The following THRB variants were observed in gnomAD, a reference collection of about 807,000 sequenced individuals.
The protein encoded by THRB is nuclear receptor subfamily 1 group A member 2.
THRB carries 12 observed loss-of-function variants against 47.8 expected under a neutral mutation model. The ratio of observed to expected loss-of-function variants is 0.25; its 90% confidence interval spans 0.16 to 0.41. THRB has a LOEUF of 0.41. THRB is among the 10% of genes least tolerant of loss of function. THRB has a pLI of 1.00. For missense variants in THRB, 348 were observed against 589.2 expected (o/e 0.59, Z 4.24); for synonymous variants, 218 against 212.2 (o/e 1.03, Z -0.24).
At chr3:24,357,351 A>AC (rs1326391298) in intron 1 of THRB, among the ~76,000 whole-genome samples, 1,986 of 143,592 alleles carry the variant, frequency 0.014, 134 homozygotes, top group African/African-American at 0.045. Context: ...TCTCCCAAAA[A>AC]AAAAAAAAAA....
intron 2 of THRB, among the ~76,000 whole-genome samples, chr3:24,334,625 T>G (rs1576926471): frequency 6.6e-6 from 1 of 152,202 alleles, no homozygotes; most frequent in African/African-American, 2.4e-5. Flanking sequence ...ACCAATTACA[T>G]GCTCAGCGCC....
intron 1 of THRB, among the ~76,000 whole-genome samples, chr3:24,361,068 A>G (rs1379359843): frequency 1.3e-5 from 2 of 152,172 alleles, no homozygotes; most frequent in Admixed American, 1.3e-4. Flanking sequence ...TTTGAAGAAG[A>G]TCCTTAAAAC....
At chr3:24,293,453 A>C (rs985257327) in intron 3 of THRB, among the ~76,000 whole-genome samples, 1 of 152,194 alleles carries the variant, frequency 6.6e-6, no homozygotes, top group Non-Finnish European at 1.5e-5. Context: ...ATTATATACT[A>C]TGTCAAACAT....
At chr3:24,442,703 A>C (rs1239302762) in intron 1 of THRB, among the ~76,000 whole-genome samples, 1 of 152,140 alleles carries the variant, frequency 6.6e-6, no homozygotes, top group Non-Finnish European at 1.5e-5. Flanking sequence ...GCATGCCTGT[A>C]ATCCCAGCTA....
intron 5 of THRB, among the ~76,000 whole-genome samples, chr3:24,177,235 A>T (rs768445889): frequency 3.9e-5 from 6 of 152,190 alleles, no homozygotes; most frequent in Non-Finnish European, 7.3e-5. Context: ...TTATTTTTGA[A>T]ACAACGTAGG....
chr3:24,224,733 C>T (rs2047488219), intron 4 of THRB, among the ~76,000 whole-genome samples: 2 of 152,178 alleles, frequency 1.3e-5, no homozygotes, highest in African/African-American at 4.8e-5. Context: ...TTATACTCAA[C>T]CATCAATGTA....
intron 1 of THRB, among the ~76,000 whole-genome samples, chr3:24,429,219 T>C (rs2070109964): frequency 6.6e-6 from 1 of 151,050 alleles, no homozygotes; most frequent in Non-Finnish European, 1.5e-5. Flanking sequence ...AAATATGTGA[T>C]ATATGATATG....
chr3:24,452,842 G>T (rs2072799031), intron 1 of THRB, among the ~76,000 whole-genome samples: 1 of 152,162 alleles, frequency 6.6e-6, no homozygotes, highest in Non-Finnish European at 1.5e-5. Context: ...CTGGCATCCT[G>T]TTGGCTGGTC....
chr3:24,484,553 G>T (rs1281760007), intron 1 of THRB, among the ~76,000 whole-genome samples: 2 of 152,100 alleles, frequency 1.3e-5, no homozygotes, highest in African/African-American at 4.8e-5. Context: ...CTATAATGTG[G>T]CTACTAGAAG....
chr3:24,482,002 C>A (rs1445499768), intron 1 of THRB, among the ~76,000 whole-genome samples: 2 of 152,034 alleles, frequency 1.3e-5, no homozygotes, highest in Non-Finnish European at 2.9e-5. Context: ...AATACTAGGT[C>A]ATCTATAAAA....
At chr3:24,370,683 C>T (rs551034175) in intron 1 of THRB, among the ~76,000 whole-genome samples, 1 of 152,268 alleles carries the variant, frequency 6.6e-6, no homozygotes, top group East Asian at 1.9e-4. Context: ...TGGGGGATCA[C>T]ACCAGGCACA....
chr3:24,369,808 T>C lies in THRB; in HGVS notation c.-260-32437A>G, dbSNP rs561881892. Among the ~76,000 whole-genome samples, 4 of 152,268 alleles carry C rather than the reference T, an allele frequency of 2.6e-5. No individual in the cohort carries two copies. The South Asian group carries it at 8.3e-4, about 32-fold the overall frequency. On this transcript the variant is annotated intron_variant, in intron 1 of 10. Coordinates refer to ENST00000646209, the MANE Select transcript of THRB (RefSeq NM_001354712.2). ...ACTGCACAATCATTGGCTATAATCA[T>C]TTATTTTGAATCTATTTAAATGCCC...
chr3:24,391,402 A>G (rs1276159937), intron 1 of THRB, among the ~76,000 whole-genome samples: 1 of 152,136 alleles, frequency 6.6e-6, no homozygotes, highest in Admixed American at 6.6e-5. Flanking sequence ...TTACTCTCCT[A>G]CATCATCATC....
At chr3:24,316,829 C>T (rs956496354) in intron 2 of THRB, among the ~76,000 whole-genome samples, 5 of 152,150 alleles carry the variant, frequency 3.3e-5, no homozygotes, top group Admixed American at 2.6e-4. Context: ...CCCCCCAGAA[C>T]ACTTGACACC....
chr3:24,482,538 C>CTCTCTCTCT (rs1696624544), intron 1 of THRB, among the ~76,000 whole-genome samples: 7 of 130,988 alleles, frequency 5.3e-5, no homozygotes, highest in African/African-American at 2.1e-4. Flanking sequence ...TTTCTGTCTC[C>CTCTCTCTCT]CTCTCTCTCT....
intron 1 of THRB, among the ~76,000 whole-genome samples, chr3:24,446,254 G>A (rs1440270549): frequency 6.6e-6 from 1 of 152,092 alleles, no homozygotes; most frequent in Non-Finnish European, 1.5e-5. Context: ...GGAAATGAGT[G>A]GAGCAAGTGG....
intron 1 of THRB, among the ~76,000 whole-genome samples, chr3:24,372,574 CCCT>C (rs1289956953): frequency 6.6e-6 from 1 of 152,052 alleles, no homozygotes; most frequent in East Asian, 1.9e-4. Context: ...GAGAAGGTGG[CCCT>C]GAAGTAATCC....
chr3:24,179,188 A>T (rs1251304180), intron 5 of THRB, among the ~76,000 whole-genome samples: 1 of 152,152 alleles, frequency 6.6e-6, no homozygotes, highest in Non-Finnish European at 1.5e-5. Flanking sequence ...TCTGGTCCTC[A>T]CCTCAACTCC....
At chr3:24,322,378 A>G (rs192017215) in intron 2 of THRB, among the ~76,000 whole-genome samples, 1 of 152,360 alleles carries the variant, frequency 6.6e-6, no homozygotes, top group Non-Finnish European at 1.5e-5. Flanking sequence ...AAAGTAGGTA[A>G]ATGATTTAAG....
Sources: gnomAD v4.1 joint callset for allele counts (sites outside exome capture counted in the v4.1 genomes callset) on GRCh38, gnomAD v4.1.1 for gene constraint, MANE v1.5 for transcripts, NCBI Gene and HGNC (gene_info 2026-07-23, HGNC 2026-07-21) for gene names.